PAX2: variants seen among roughly 807,000 people sequenced by gnomAD.
The protein encoded by PAX2 is paired box 2.
In PAX2, 9 loss-of-function variants were observed where a neutral mutation model predicts 41.7. That is an observed-to-expected ratio of 0.22 (90% CI 0.13 to 0.38). The LOEUF (loss-of-function observed/expected upper bound fraction) is 0.38. Ranked by LOEUF, PAX2 falls within the 10% of genes least tolerant of loss-of-function variation. PAX2 has a pLI of 1.00. For synonymous variants in PAX2, 221 were observed against 212.7 expected (o/e 1.04, Z -0.34); for missense variants, 418 against 531.6 (o/e 0.79, Z 2.10).
At chr10:100,776,907 G>A (rs12357097) in intron 3 of PAX2, among the ~76,000 whole-genome samples, 27,415 of 151,876 alleles carry the variant, frequency 0.18, 2,709 homozygotes, top group Middle Eastern at 0.31. Context: ...GCTCCCTATC[G>A]CCTCATGCCT....
At chr10:100,804,815 C>T (rs543377694) in intron 5 of PAX2, among the ~76,000 whole-genome samples, 1 of 152,232 alleles carries the variant, frequency 6.6e-6, no homozygotes, top group South Asian at 2.1e-4. Flanking sequence ...GCATACATCC[C>T]GTAAGACTGA....
At chr10:100,753,958 C>T (rs1845541134) in intron 3 of PAX2, among the ~76,000 whole-genome samples, 1 of 152,156 alleles carries the variant, frequency 6.6e-6, no homozygotes, top group Non-Finnish European at 1.5e-5. Flanking sequence ...TGACTGGGCT[C>T]CTTAGCATGT....
intron 3 of PAX2, among the ~76,000 whole-genome samples, chr10:100,774,879 A>C (rs544353329): frequency 3.3e-4 from 50 of 151,352 alleles, no homozygotes; most frequent in African/African-American, 1.2e-3. Context: ...TGCTGCTCTC[A>C]CTCCCTTGGA....
chr10:100,765,862 A>G (rs1846004617), intron 3 of PAX2, among the ~76,000 whole-genome samples: 1 of 152,196 alleles, frequency 6.6e-6, no homozygotes, highest in Admixed American at 6.5e-5. Flanking sequence ...GTACATGTTT[A>G]TACACATACA....
rs1002446889 is a variant in PAX2 at position 100,793,817 on chromosome 10, G to C, written c.616+12452G>C. On this transcript the variant is annotated intron_variant, in intron 5 of 9. Transcript: ENST00000355243. ...CCTCTCTGGGGATCTTTGTATCAAT[G>C]TGGGCCCAGGTGCCCAGTGTGTTGG... Among the ~76,000 whole-genome samples, 8 of 152,296 alleles carry C rather than the reference G, an allele frequency of 5.3e-5. No homozygotes were observed. The South Asian group carries it at 1.0e-3, about 20-fold the overall frequency.
At position 100,829,767 on chromosome 10, in the gene PAX2, GGGCT is replaced by G. The variant is rs1358776904; in HGVS notation, c.*2152_*2155del. 4.9e-6 allele frequency: 1 copy of G among 205,390 alleles called. No homozygotes were observed. Among genetic ancestry groups the G allele is most frequent in the African/African-American group, 2.3e-5 (1 of 43,640 alleles). 12.7% of individuals were successfully genotyped at this position (205,390 alleles called of 1,614,324 possible). A position where few individuals can be genotyped will look rare whatever the true frequency, so the allele number is the denominator to read the frequency against. ...AGGTCCGGCCCATCCCAGTCCTGTGGGGCTGGCCGGGCAGAGACCCCGGACCCAG... is the reference window on the plus strand; with the variant it reads ...AGGTCCGGCCCATCCCAGTCCTGTGGGGCCGGGCAGAGACCCCGGACCCAG... On this transcript the variant is annotated 3_prime_UTR_variant, in exon 10 of 10. Coordinates refer to ENST00000355243, the MANE Select transcript of PAX2 (RefSeq NM_000278.5).
chr10:100,810,657 C>T (rs1847959649), intron 7 of PAX2, among the ~76,000 whole-genome samples: 1 of 152,220 alleles, frequency 6.6e-6, no homozygotes. Context: ...GGTCACTTCC[C>T]AAAGATGGCC....
At chr10:100,775,900 C>T (rs1022975863) in intron 3 of PAX2, among the ~76,000 whole-genome samples, 1 of 152,198 alleles carries the variant, frequency 6.6e-6, no homozygotes, top group Non-Finnish European at 1.5e-5. Flanking sequence ...GGGAGATGAC[C>T]TTGCCTTCTG....
chr10:100,766,151 C>G (rs1212185731), intron 3 of PAX2, among the ~76,000 whole-genome samples: 1 of 152,224 alleles, frequency 6.6e-6, no homozygotes, highest in African/African-American at 2.4e-5. Flanking sequence ...AGTCCTGGCT[C>G]TAAAACCCAC....
chr10:100,806,332 C>T, intron 5 of PAX2, 98 bp from the exon 6 acceptor site: 1 of 1,282,254 alleles, frequency 7.8e-7, no homozygotes, highest in South Asian at 1.2e-5. Flanking sequence ...GTGCAGAGCT[C>T]CTGGGCCCGG....
chr10:100,739,317 G>A (rs1364638053), intron 1 of PAX2, among the ~76,000 whole-genome samples: 1 of 152,184 alleles, frequency 6.6e-6, no homozygotes, highest in East Asian at 1.9e-4. Flanking sequence ...CCGCCTCGGC[G>A]GCCCTGCCCT....
intron 7 of PAX2, among the ~76,000 whole-genome samples, chr10:100,821,690 G>A (rs1421973603): frequency 6.6e-6 from 1 of 152,238 alleles, no homozygotes; most frequent in Admixed American, 6.5e-5. Context: ...CCTTCCTCCT[G>A]AAGTGAGGTA....
chr10:100,811,128 T>G (rs1429612244), intron 7 of PAX2, among the ~76,000 whole-genome samples: 2 of 149,110 alleles, frequency 1.3e-5, no homozygotes, highest in Non-Finnish European at 3.0e-5. Flanking sequence ...GACAAGTGTG[T>G]GGAGAGGTGG....
At chr10:100,777,865 A>T (rs1846455607) in intron 3 of PAX2, among the ~76,000 whole-genome samples, 1 of 152,218 alleles carries the variant, frequency 6.6e-6, no homozygotes, top group South Asian at 2.1e-4. Flanking sequence ...AGTAAGTGGA[A>T]AATGGTGATG....
In PAX2 at chr10:100,827,412, C is replaced by T; in HGVS notation, c.1109-131C>T. 3.2e-6 allele frequency: 3 copies of T among 934,244 alleles called. No homozygotes were observed. Among genetic ancestry groups the T allele is most frequent in the Non-Finnish European group, 5.2e-6 (3 of 577,258 alleles). The allele number at this position is 934,244 out of a possible 1,614,324, so 57.9% of individuals were successfully genotyped here. On this transcript the variant is annotated intron_variant, in intron 9 of 9. Coordinates refer to ENST00000355243, the MANE Select transcript of PAX2 (RefSeq NM_000278.5). The surrounding 1 kb of genome is among the most constrained non-coding windows in gnomAD (Gnocchi z 8.5). The stretch of plus-strand genomic sequence containing the variant: ...CTCCGGGGCAACTGGCTCCACTGCC[C>T]AGCCAAGGTCTCCCAGTCCGGATCC...
In PAX2 at chr10:100,824,509, A is replaced by G. The variant is rs894346345; in HGVS notation, c.920-139A>G. 1 of 736,122 alleles carries G rather than the reference A, an allele frequency of 1.4e-6. No homozygotes were observed. Among genetic ancestry groups the G allele is most frequent in the Non-Finnish European group, 2.5e-6 (1 of 404,020 alleles). The allele number at this position is 736,122 out of a possible 1,614,324, so 45.6% of individuals were successfully genotyped here. On this transcript the variant is annotated intron_variant, in intron 7 of 9. Coordinates refer to ENST00000355243, the MANE Select transcript of PAX2 (RefSeq NM_000278.5). This position sits in a 1 kb window ranked among gnomAD's most constrained non-coding sequence, Gnocchi z 6.6. ...ACACTCAGATGGCGCATTCAGGTGC[A>G]CAGTGGCACACATACCCCTGCACGT...
At chr10:100,753,744 A>G (rs760730598) in intron 3 of PAX2, among the ~76,000 whole-genome samples, 3 of 152,224 alleles carry the variant, frequency 2.0e-5, no homozygotes, top group Non-Finnish European at 4.4e-5. Flanking sequence ...CACACTTGAA[A>G]TATGCTGTTA....
chr10:100,778,152 AGGCTATGT>A (rs1846468496), intron 3 of PAX2, among the ~76,000 whole-genome samples: 1 of 152,220 alleles, frequency 6.6e-6, no homozygotes, highest in Non-Finnish European at 1.5e-5. Flanking sequence ...GGTGAGACCA[AGGCTATGT>A]GGCTTCTTAA....
At chr10:100,743,903 G>T (rs937939323), upstream of PAX2, among the ~76,000 whole-genome samples, 9 of 152,228 alleles carry the variant, frequency 5.9e-5, no homozygotes, top group African/African-American at 2.2e-4. Context: ...GCGGTGAGGA[G>T]TGTTTTCCTC....
Sources: allele counts gnomAD v4.1 joint callset (sites outside exome capture counted in the v4.1 genomes callset), GRCh38; gene constraint gnomAD v4.1.1; non-coding constraint Gnocchi (gnomAD v3.1); transcripts MANE v1.5; gene names NCBI Gene and HGNC (gene_info 2026-07-23, HGNC 2026-07-21).